GRID1: variants seen among roughly 807,000 people sequenced by gnomAD.
GRID1 encodes glutamate ionotropic receptor delta type subunit 1.
A neutral mutation model predicts 98.0 loss-of-function variants in GRID1; 28 were observed. The ratio of observed to expected loss-of-function variants is 0.29; its 90% CI spans 0.21 to 0.39. The LOEUF is 0.39. GRID1 is among the 10% of genes least tolerant of loss of function. GRID1 has a pLI of 1.00. For synonymous variants in GRID1, 553 were observed against 538.5 expected (o/e 1.03, Z -0.37); for missense variants, 1,111 against 1,340.5 (o/e 0.83, Z 2.67).
intron 12 of GRID1, among the ~76,000 whole-genome samples, chr10:85,673,274 T>C (rs1181110739): frequency 2.0e-5 from 3 of 152,222 alleles, no homozygotes; most frequent in Admixed American, 6.5e-5. Flanking sequence ...AATATACTCC[T>C]GGTGAAAATA....
At chr10:86,241,340 C>G (rs545395039) in intron 2 of GRID1, among the ~76,000 whole-genome samples, 5 of 152,226 alleles carry the variant, frequency 3.3e-5, no homozygotes, top group Admixed American at 6.5e-5. Flanking sequence ...AGGCTCCACC[C>G]GCTGGCTGGC....
intron 2 of GRID1, among the ~76,000 whole-genome samples, chr10:86,217,703 C>T (rs1394733920): frequency 6.6e-6 from 1 of 152,174 alleles, no homozygotes; most frequent in African/African-American, 2.4e-5. Context: ...AGTCACTGGG[C>T]CATGGGAACA....
At chr10:86,229,785 C>T (rs1294733338) in intron 2 of GRID1, among the ~76,000 whole-genome samples, 1 of 152,204 alleles carries the variant, frequency 6.6e-6, no homozygotes, top group Non-Finnish European at 1.5e-5. Flanking sequence ...CTGTAGCCTC[C>T]TCCACAACCT....
chr10:85,792,523 G>C (rs935830613), intron 8 of GRID1, among the ~76,000 whole-genome samples: 4 of 152,174 alleles, frequency 2.6e-5, no homozygotes, highest in Non-Finnish European at 5.9e-5. Flanking sequence ...AGGATATAGG[G>C]TTTATGACTC....
intron 3 of GRID1, among the ~76,000 whole-genome samples, chr10:86,193,338 A>G (rs1045708461): frequency 6.6e-6 from 1 of 152,164 alleles, no homozygotes; most frequent in Non-Finnish European, 1.5e-5. Flanking sequence ...GAGTAACTAC[A>G]CAGTGAATGT....
At chr10:85,639,903 A>C (rs910694379) in intron 13 of GRID1, among the ~76,000 whole-genome samples, 1 of 152,192 alleles carries the variant, frequency 6.6e-6, no homozygotes. Context: ...ATCTTTTTCT[A>C]ACATATAGTA....
intron 13 of GRID1, among the ~76,000 whole-genome samples, chr10:85,635,607 A>T (rs568364332): frequency 1.1e-4 from 16 of 152,330 alleles, no homozygotes; most frequent in African/African-American, 3.8e-4. Flanking sequence ...CTCTGCCCTC[A>T]GCCAGCCCTG....
At chr10:85,854,106 A>G (rs972934003) in intron 8 of GRID1, among the ~76,000 whole-genome samples, 1 of 152,042 alleles carries the variant, frequency 6.6e-6, no homozygotes, top group African/African-American at 2.4e-5. Flanking sequence ...TCTGGAGGAC[A>G]CTCAGGCTGT....
chr10:86,022,883 A>T (rs1210938242), intron 4 of GRID1, among the ~76,000 whole-genome samples: 1 of 150,150 alleles, frequency 6.7e-6, no homozygotes, highest in Non-Finnish European at 1.5e-5. Flanking sequence ...GCACCACTGC[A>T]CTCCAGCCTG....
In GRID1 at chr10:86,245,427, T is replaced by C. The variant is rs112328410; in HGVS notation, c.236-38779A>G. Among the ~76,000 whole-genome samples the C allele has an allele frequency of 2.0e-3, 281 of 143,636 alleles. 8 individuals carry two copies. The highest frequency in any genetic ancestry group is 7.9e-3 in the African/African-American group (265 of 33,604). 94.2% of individuals were successfully genotyped at this position (143,636 alleles called of 152,430 possible). A position where few individuals can be genotyped will look rare whatever the true frequency, so the allele number is the denominator to read the frequency against. On this transcript the variant is annotated intron_variant, in intron 2 of 15. Coordinates refer to ENST00000327946, the MANE Select transcript of GRID1 (RefSeq NM_017551.3). ...TACCATTCGCTTTACTCCATTCCTC[T>C]TCTACCATTCGCTTTACTCCATTCC...
At chr10:86,004,172 C>A (rs1046550906) in intron 4 of GRID1, among the ~76,000 whole-genome samples, 4 of 152,234 alleles carry the variant, frequency 2.6e-5, no homozygotes, top group South Asian at 2.1e-4. Context: ...GAGTTCAACC[C>A]AGGCCACCTG....
intron 2 of GRID1, among the ~76,000 whole-genome samples, chr10:86,335,310 C>A (rs1213647187): frequency 1.3e-5 from 2 of 152,332 alleles, no homozygotes; most frequent in East Asian, 3.9e-4. Context: ...TTGGCATTTC[C>A]AAAATGGGCT....
At chr10:86,264,862 A>C in intron 2 of GRID1, 1 of 430,726 alleles carries the variant, frequency 2.3e-6, no homozygotes, top group Non-Finnish European at 4.8e-6. Flanking sequence ...TCCAACCTGC[A>C]GCCAAATTCA....
intron 8 of GRID1, among the ~76,000 whole-genome samples, chr10:85,753,575 G>T (rs749697746): frequency 7.9e-5 from 12 of 152,222 alleles, no homozygotes; most frequent in Admixed American, 1.3e-4. Context: ...ATATCCCATT[G>T]CTGGGGAGCC....
chr10:86,111,220 C>G (rs1053370123), intron 4 of GRID1, among the ~76,000 whole-genome samples: 1 of 152,146 alleles, frequency 6.6e-6, no homozygotes, highest in African/African-American at 2.4e-5. Context: ...AGGCTCAGAA[C>G]TGGAAGTTTG....
rs1287693117 is a variant in GRID1 at position 86,366,183 on chromosome 10, G to C, written c.79+131C>G. 4.6e-6 allele frequency: 2 copies of C among 435,764 alleles called. No individual in the cohort carries two copies. Among genetic ancestry groups the C allele is most frequent in the East Asian group, 4.5e-5 (1 of 22,306 alleles). 27.0% of individuals were successfully genotyped at this position (435,764 alleles called of 1,614,324 possible). On this transcript the variant is annotated intron_variant, in intron 1 of 15. Coordinates refer to ENST00000327946, the MANE Select transcript of GRID1 (RefSeq NM_017551.3). The surrounding 1 kb of genome is among the most constrained non-coding windows in gnomAD (Gnocchi z 4.1). The stretch of plus-strand genomic sequence containing the variant: ...GCACAGCTCCTCCGCCGGGCGGCGC[G>C]GCGCGGCCCTTCGGGGGAGCACCGC...
At chr10:85,705,253 A>G (rs1841502134) in intron 12 of GRID1, among the ~76,000 whole-genome samples, 1 of 152,216 alleles carries the variant, frequency 6.6e-6, no homozygotes, top group Non-Finnish European at 1.5e-5. Flanking sequence ...AGAGAGAAGA[A>G]TCAAATAGAT....
At chr10:85,629,265 T>C (rs968602330) in intron 13 of GRID1, among the ~76,000 whole-genome samples, 5 of 152,190 alleles carry the variant, frequency 3.3e-5, no homozygotes, top group African/African-American at 4.8e-5. Flanking sequence ...AGGGTACAAG[T>C]GCAGTTTTGT....
intron 4 of GRID1, among the ~76,000 whole-genome samples, chr10:86,104,961 G>A (rs551931959): frequency 5.9e-5 from 9 of 151,330 alleles, no homozygotes; most frequent in East Asian, 3.9e-4. Flanking sequence ...GACAGGCCTC[G>A]TGCCCCCATG....
Sources: gnomAD v4.1 joint callset for allele counts (sites outside exome capture counted in the v4.1 genomes callset) on GRCh38, gnomAD v4.1.1 for gene constraint, Gnocchi (gnomAD v3.1) non-coding constraint, MANE v1.5 for transcripts, NCBI Gene and HGNC (gene_info 2026-07-23, HGNC 2026-07-21) for gene names.